SPSB1: variants seen among roughly 807,000 people sequenced by gnomAD.
The protein encoded by SPSB1 is SPRY domain-containing SOCS box protein 1.
Under a neutral mutation model 21.2 loss-of-function variants are expected in SPSB1, and 8 were observed. The ratio of observed to expected loss-of-function variants is 0.38; its 90% CI spans 0.22 to 0.68. SPSB1 has a LOEUF of 0.68. SPSB1 is among the 30% of genes least tolerant of loss of function. The pLI is 0.53. For synonymous variants in SPSB1, 169 were observed against 161.7 expected (o/e 1.05, Z -0.34); for missense variants, 242 against 377.8 (o/e 0.64, Z 2.98).
intron 2 of SPSB1, among the ~76,000 whole-genome samples, chr1:9,358,223 C>T (rs2100517396): frequency 6.6e-6 from 1 of 152,288 alleles, no homozygotes; most frequent in South Asian, 2.1e-4. Flanking sequence ...TGGAAGCCTC[C>T]CCGCCCCTCT....
chr1:9,354,990 G>A (rs1640339254), intron 1 of SPSB1, among the ~76,000 whole-genome samples: 1 of 152,144 alleles, frequency 6.6e-6, no homozygotes. Flanking sequence ...AGACCCAGAG[G>A]GCGAAACCCT....
intron 1 of SPSB1, among the ~76,000 whole-genome samples, chr1:9,325,169 G>A (rs2100486915): frequency 6.6e-6 from 1 of 151,558 alleles, no homozygotes; most frequent in East Asian, 1.9e-4. Context: ...GGGGCGCTGG[G>A]CATCCAAGAA....
intron 1 of SPSB1, among the ~76,000 whole-genome samples, chr1:9,298,386 G>GAGTGAA (rs1206792871): frequency 9.8e-5 from 6 of 61,472 alleles, no homozygotes; most frequent in South Asian, 1.2e-3. Context: ...GAATGAATGA[G>GAGTGAA]TGAATGAATG....
chr1:9,327,355 T>C (rs1011507268), intron 1 of SPSB1, among the ~76,000 whole-genome samples: 2 of 152,208 alleles, frequency 1.3e-5, no homozygotes, highest in Non-Finnish European at 2.9e-5. Flanking sequence ...CTTTGGCAGA[T>C]ACATGCTTAA....
chr1:9,307,174 C>T (rs1466153866), intron 1 of SPSB1, among the ~76,000 whole-genome samples: 4 of 152,104 alleles, frequency 2.6e-5, no homozygotes, highest in South Asian at 4.1e-4. Context: ...GTGATCTGCC[C>T]GCTTTGGCCT....
At position 9,367,100 on chromosome 1, in the gene SPSB1, G is replaced by A. The variant is rs2100526178; in HGVS notation, c.695-348G>A. On this transcript the variant is annotated intron_variant, in intron 2 of 2. Transcript: ENST00000328089. The surrounding 1 kb of genome is among the most constrained non-coding windows in gnomAD (Gnocchi z 5.9). ...CGAATCCTAGCTGCATCTCCTGCCA[G>A]CAGGGCGACCCCTGGCAAGTCATTT... Among the ~76,000 whole-genome samples, 1 of 152,320 alleles carries A rather than the reference G, an allele frequency of 6.6e-6. No homozygotes were observed. Among genetic ancestry groups the A allele is most frequent in the East Asian group, 1.9e-4 (1 of 5,172 alleles).
intron 1 of SPSB1, among the ~76,000 whole-genome samples, chr1:9,296,299 A>G (rs1639224522): frequency 6.6e-6 from 1 of 152,132 alleles, no homozygotes; most frequent in Admixed American, 6.5e-5. Flanking sequence ...ATTGCAGGTA[A>G]CTTGGCTAAG....
At chr1:9,344,007 C>T (rs904363809) in intron 1 of SPSB1, among the ~76,000 whole-genome samples, 1 of 152,162 alleles carries the variant, frequency 6.6e-6, no homozygotes, top group Admixed American at 6.5e-5. Context: ...CCAGGATGGT[C>T]TCGATCTCCT....
intron 1 of SPSB1, among the ~76,000 whole-genome samples, chr1:9,335,236 T>C (rs1470403933): frequency 6.6e-6 from 1 of 152,244 alleles, no homozygotes; most frequent in Non-Finnish European, 1.5e-5. Flanking sequence ...GCACAGTGGC[T>C]CACGCCTGTA....
At position 9,305,221 on chromosome 1, in the gene SPSB1, G is replaced by A. The variant is rs1023920345; in HGVS notation, c.-150+12150G>A. 3.3e-5 allele frequency among the ~76,000 whole-genome samples: 5 copies of A among 152,146 alleles called. No individual in the cohort carries two copies. The highest frequency in any genetic ancestry group is 5.9e-5 in the Non-Finnish European group (4 of 68,022). On this transcript the variant is annotated intron_variant, in intron 1 of 2. Coordinates refer to ENST00000328089, the MANE Select transcript of SPSB1 (RefSeq NM_025106.4). The surrounding 1 kb of genome is among the most constrained non-coding windows in gnomAD (Gnocchi z 4.8). ...TGCCTGGTCCCGCCTCGGCTGGCCC[G>A]TTCCTACCGGCTGGCCCATACCCTC...
chr1:9,358,617 A>G (rs1195061666), intron 2 of SPSB1, among the ~76,000 whole-genome samples: 3 of 152,306 alleles, frequency 2.0e-5, no homozygotes, highest in South Asian at 2.1e-4. Context: ...CCTCCCAGCC[A>G]TGGGGTGGTC....
chr1:9,295,195 T>C (rs1233953219), intron 1 of SPSB1, among the ~76,000 whole-genome samples: 1 of 138,664 alleles, frequency 7.2e-6, no homozygotes, highest in African/African-American at 2.8e-5. Context: ...AGATGGAGTG[T>C]GTGTGTGTGT....
At chr1:9,294,848 G>C (rs1639191578) in intron 1 of SPSB1, among the ~76,000 whole-genome samples, 1 of 152,100 alleles carries the variant, frequency 6.6e-6, no homozygotes, top group Non-Finnish European at 1.5e-5. Flanking sequence ...CCCCCTCCCA[G>C]TGGTGGAAAG....
intron 1 of SPSB1, among the ~76,000 whole-genome samples, chr1:9,351,127 A>G (rs1298880070): frequency 6.6e-6 from 1 of 152,188 alleles, no homozygotes; most frequent in Non-Finnish European, 1.5e-5. Flanking sequence ...CCCACTGTCT[A>G]TTTTTGTAAA....
At position 9,367,715 on chromosome 1, in the gene SPSB1, G is replaced by C; in HGVS notation, c.*140G>C. The C allele has an allele frequency of 3.0e-6, 4 of 1,317,480 alleles. No homozygotes were observed. The highest frequency in any genetic ancestry group is 4.0e-6 in the Non-Finnish European group (4 of 989,736). The allele number at this position is 1,317,480 out of a possible 1,614,324, so 81.6% of individuals were successfully genotyped here. A position where few individuals can be genotyped will look rare whatever the true frequency, so the allele number is the denominator to read the frequency against. ...GGTCCCTGGTCTTCCCTCATCCTCCGTGGCTGCCTCCATGGGACAAGGACC... is the reference window on the plus strand; with the variant it reads ...GGTCCCTGGTCTTCCCTCATCCTCCCTGGCTGCCTCCATGGGACAAGGACC... On this transcript the variant is annotated 3_prime_UTR_variant, in exon 3 of 3. Coordinates refer to ENST00000328089, the MANE Select transcript of SPSB1 (RefSeq NM_025106.4). This position sits in a 1 kb window ranked among gnomAD's most constrained non-coding sequence, Gnocchi z 5.9.
At chr1:9,362,005 C>T (rs1038379431) in intron 2 of SPSB1, among the ~76,000 whole-genome samples, 5 of 152,238 alleles carry the variant, frequency 3.3e-5, no homozygotes, top group Non-Finnish European at 5.9e-5. Flanking sequence ...TTTTCTTTAA[C>T]GGCTCCCAGA....
chr1:9,367,348 G>A lies in SPSB1; in HGVS notation c.695-100G>A. 1.3e-6 allele frequency: 2 copies of A among 1,569,914 alleles called. No homozygotes were observed. Among genetic ancestry groups the A allele is most frequent in the Non-Finnish European group, 1.7e-6 (2 of 1,149,798 alleles). On this transcript the variant is annotated intron_variant, in intron 2 of 2. Coordinates refer to ENST00000328089, the MANE Select transcript of SPSB1 (RefSeq NM_025106.4). The surrounding 1 kb of genome is among the most constrained non-coding windows in gnomAD (Gnocchi z 5.9). ...TTTTTCATTGTTTCTTTACTGATTT[G>A]AGTGAATACTAATCAGTGATAATAT...
rs1047917439 is a variant in SPSB1, at chr1:9,356,563, G to A, written c.672G>A (p.Met224Ile). The change falls in exon 2 of 3, where the codon ATG (methionine) becomes ATA (isoleucine). Residue 224 changes from methionine to isoleucine, a missense_variant. Met to Ile is a conservative substitution (Grantham distance 10, BLOSUM62 1). Coordinates refer to ENST00000328089, the MANE Select transcript of SPSB1 (RefSeq NM_025106.4). This position sits in a 1 kb window ranked among gnomAD's most constrained non-coding sequence, Gnocchi z 7.4. The part of the protein sequence containing the change: ...SAVWGHCEIR[M>I]RYLNGLDPEP... ...TCTGGGGCCACTGTGAGATCCGAAT[G>A]CGCTACTTGAACGGACTCGATCGTA... The A allele has an allele frequency of 1.9e-6, 3 of 1,599,710 alleles. No individual in the cohort carries two copies. The highest frequency in any genetic ancestry group is 2.6e-6 in the Non-Finnish European group (3 of 1,169,162).
intron 1 of SPSB1, among the ~76,000 whole-genome samples, chr1:9,320,595 C>T (rs1639705803): frequency 6.6e-6 from 1 of 152,226 alleles, no homozygotes. Context: ...GCAGCCCTCT[C>T]TTCCATTTTG....
Sources: gnomAD v4.1 joint callset for allele counts (sites outside exome capture counted in the v4.1 genomes callset) on GRCh38, gnomAD v4.1.1 for gene constraint, Gnocchi (gnomAD v3.1) non-coding constraint, MANE v1.5 for transcripts, NCBI Gene and HGNC (gene_info 2026-07-23, HGNC 2026-07-21) for gene names.